The following PDE6B variants were observed in gnomAD, a reference collection of about 807,000 sequenced individuals.
PDE6B encodes rod cGMP-specific 3',5'-cyclic phosphodiesterase subunit beta.
A neutral mutation model predicts 109.0 loss-of-function variants in PDE6B; 106 were observed. That is an observed-to-expected ratio of 0.97 (90% CI 0.83 to 1.14). The LOEUF (loss-of-function observed/expected upper bound fraction) is 1.14, where lower values mean the gene tolerates loss of function less well. Ranked by LOEUF, PDE6B falls within the 50% of genes most tolerant of loss-of-function variation. The pLI is 0.00. For synonymous variants in PDE6B, 490 were observed against 471.3 expected, an observed-to-expected ratio of 1.04 and a Z score of -0.51; for missense variants, 1,193 against 1,155.6, an observed-to-expected ratio of 1.03 and a Z score of -0.47.
intron 3 of PDE6B, among the ~76,000 whole-genome samples, chr4:638,869 C>T (rs1201448016): frequency 6.6e-6 from 1 of 152,194 alleles, no homozygotes; most frequent in Non-Finnish European, 1.5e-5. Flanking sequence ...GGCTCACTCA[C>T]ACAGGAAACT....
rs141647790 is a variant in PDE6B, at chr4:670,090, A to G, written c.2548A>G (p.Thr850Ala). Residue 850 changes from threonine to alanine, a missense_variant, in exon 22 of 22, where the codon ACC becomes GCC. By Grantham distance (58) the Thr-to-Ala change is moderately conservative. Coordinates refer to ENST00000496514, the MANE Select transcript of PDE6B (RefSeq NM_000283.4). ...TGGCGGCCCAGCACCCAAGTCTTCAACCTGCTGTATCCTGTGAGCACTGGT... is the reference window on the plus strand; with the variant it reads ...TGGCGGCCCAGCACCCAAGTCTTCAGCCTGCTGTATCCTGTGAGCACTGGT... ...CNGGPAPKSS[T>A]CCIL 2.4e-4 allele frequency: 387 copies of G among 1,612,858 alleles called. No individual in the cohort carries two copies. Among genetic ancestry groups the G allele is most frequent in the Non-Finnish European group, 2.4e-4 (286 of 1,179,464 alleles).
intron 10 of PDE6B, among the ~76,000 whole-genome samples, 191 bp downstream of exon 10, chr4:657,685 G>A (rs1365971810): frequency 4.8e-5 from 6 of 125,492 alleles, no homozygotes; most frequent in Admixed American, 2.4e-4. Flanking sequence ...GCTGTGCGGT[G>A]GGGGCAGGTC....
In PDE6B at chr4:631,657, G is replaced by A. The variant is rs1445479911; in HGVS notation, c.469-3020G>A. Among the ~76,000 whole-genome samples, 14 of 150,958 alleles carry A rather than the reference G, an allele frequency of 9.3e-5. No individual in the cohort carries two copies. The South Asian group carries it at 2.5e-3, about 27-fold the overall frequency. On this transcript the variant is annotated intron_variant, in intron 1 of 21. Coordinates refer to ENST00000496514, the MANE Select transcript of PDE6B (RefSeq NM_000283.4). ...ACCATCTAAGGGTCATGAGGATCAC[G>A]TTGCGTGGATCCATGTGGCTCCATC...
chr4:627,169 C>G (rs906246537), intron 1 of PDE6B, among the ~76,000 whole-genome samples: 2 of 146,466 alleles, frequency 1.4e-5, no homozygotes, highest in Non-Finnish European at 3.0e-5. Flanking sequence ...TTTTTTGAGA[C>G]AGAGTCTTGC....
rs145439036 is a variant in PDE6B, at chr4:628,201, C to T, written c.468+2107C>T. On this transcript the variant is annotated intron_variant, in intron 1 of 21. Coordinates refer to ENST00000496514, the MANE Select transcript of PDE6B (RefSeq NM_000283.4). ...CAAATCCTCATGAAGTGCAAAGCCTCATGAAGTGCATCTCAGCACCCTAAG... is the reference window on the plus strand; with the variant it reads ...CAAATCCTCATGAAGTGCAAAGCCTTATGAAGTGCATCTCAGCACCCTAAG... Among the ~76,000 whole-genome samples, 690 of 152,350 alleles carry T rather than the reference C, an allele frequency of 4.5e-3. 2 individuals carry two copies. Among genetic ancestry groups the T allele is most frequent in the Admixed American group, 7.4e-3 (113 of 15,310 alleles).
intron 1 of PDE6B, among the ~76,000 whole-genome samples, chr4:631,073 C>A (rs965889071): frequency 6.6e-6 from 1 of 152,174 alleles, no homozygotes; most frequent in Non-Finnish European, 1.5e-5. Flanking sequence ...GGCAGACGAA[C>A]GGGCTGAGAG....
At position 636,907 on chromosome 4, in the gene PDE6B, G is replaced by A. The variant is rs73056581; in HGVS notation, c.711+938G>A. ...ACACCTGTGAGAAAACCCCCCGGAGGGAAGTCTCAGCCCCAATCCAAGCAG... is the reference window on the plus strand; with the variant it reads ...ACACCTGTGAGAAAACCCCCCGGAGAGAAGTCTCAGCCCCAATCCAAGCAG... On this transcript the variant is annotated intron_variant, in intron 3 of 21. Transcript: ENST00000496514. This position sits in a 1 kb window ranked among gnomAD's most constrained non-coding sequence, Gnocchi z 4.5. Among the ~76,000 whole-genome samples the A allele has an allele frequency of 0.019, 2,885 of 152,342 alleles. 122 individuals carry two copies. Among genetic ancestry groups the A allele is most frequent in the African/African-American group, 0.066 (2,729 of 41,588 alleles).
chr4:654,654 AT>A, intron 5 of PDE6B, 169 bp from the exon 6 acceptor site: 3 of 718,692 alleles, frequency 4.2e-6, no homozygotes, highest in Non-Finnish European at 7.7e-6. Context: ...CATTCGTAGA[AT>A]ACCTGCGCAC....
chr4:667,820 G>A, intron 20 of PDE6B, 36 bp from the exon 21 acceptor site: 1 of 1,605,972 alleles, frequency 6.2e-7, no homozygotes, highest in Non-Finnish European at 8.5e-7. Context: ...AGAGCAGGCA[G>A]GACAGGACTG....
rs765804881 is a variant in PDE6B, at chr4:634,818, G to A, written c.610G>A (p.Glu204Lys). The A allele has an allele frequency of 9.9e-6, 16 of 1,613,710 alleles. No homozygotes were observed. The highest frequency in any genetic ancestry group is 1.7e-5 in the Admixed American group (1 of 59,994). The change falls in exon 2 of 22, where the codon GAA (glutamate) becomes AAA (lysine). Residue 204 changes from glutamate to lysine, a missense_variant. Transcript: ENST00000496514. ...NKLNGPFFTSEDEDVFLKYLN... is the reference protein window; with the variant it reads ...NKLNGPFFTSKDEDVFLKYLN... ...GCTCAACGGCCCATTCTTCACCAGC[G>A]AAGACGAAGATGTGAGTGTGGGGGG...
Position 625,797 on chromosome 4 carries a change from G to C in PDE6B, c.171G>C (p.Thr57=), listed in dbSNP as rs763391072. The C allele has an allele frequency of 1.2e-6, 2 of 1,613,334 alleles. No individual in the cohort carries two copies. Among genetic ancestry groups the C allele is most frequent in the Non-Finnish European group, 1.7e-6 (2 of 1,179,948 alleles). Reference sequence around the variant, plus strand: ...ACCTCTGCCAGGTGGAGGAGAGCACGGCGCTGCTGGAGCTGGTGCAGGATA... The same window carrying C: ...ACCTCTGCCAGGTGGAGGAGAGCACCGCGCTGCTGGAGCTGGTGCAGGATA... ...LRDLCQVEES[T]ALLELVQDMQ... The change falls in exon 1 of 22, where the codon ACG becomes ACC. Residue 57 remains threonine (T), a synonymous_variant. Transcript: ENST00000496514. This position sits in a 1 kb window ranked among gnomAD's most constrained non-coding sequence, Gnocchi z 5.0.
At chr4:627,997 C>A (rs1210856604) in intron 1 of PDE6B, among the ~76,000 whole-genome samples, 1 of 152,092 alleles carries the variant, frequency 6.6e-6, no homozygotes, top group African/African-American at 2.4e-5. Flanking sequence ...GTGCCATGGC[C>A]GCACCTGCCC....
chr4:658,382 G>A (rs1467796071), intron 10 of PDE6B, among the ~76,000 whole-genome samples: 1 of 144,896 alleles, frequency 6.9e-6, no homozygotes, highest in Non-Finnish European at 1.5e-5. Context: ...GGTGTGCGGG[G>A]CAGGTCGTCC....
chr4:663,296 T>C lies in PDE6B; in HGVS notation c.1920+109T>C, dbSNP rs925324485. On this transcript the variant is annotated intron_variant, in intron 15 of 21. Coordinates refer to ENST00000496514, the MANE Select transcript of PDE6B (RefSeq NM_000283.4). This position sits in a 1 kb window ranked among gnomAD's most constrained non-coding sequence, Gnocchi z 4.0. ...GGGTTCTGATGCAGCGGGTGAGCAC[T>C]GGGTGTGTGAGCACTGGGGGAGGGC... The C allele has an allele frequency of 2.7e-6, 2 of 749,146 alleles. No individual in the cohort carries two copies. Among genetic ancestry groups the C allele is most frequent in the East Asian group, 2.6e-5 (1 of 38,902 alleles). 46.4% of individuals were successfully genotyped at this position (749,146 alleles called of 1,614,324 possible). A position where few individuals can be genotyped will look rare whatever the true frequency, so the allele number is the denominator to read the frequency against.
At chr4:661,741 C>T (rs1176385775) in intron 12 of PDE6B, 2 of 314,310 alleles carry the variant, frequency 6.4e-6, no homozygotes, top group Non-Finnish European at 1.3e-5. Context: ...GACATCGGTT[C>T]TCCCACCCCA....
chr4:637,509 C>A (rs549821397), intron 3 of PDE6B, among the ~76,000 whole-genome samples: 22 of 152,342 alleles, frequency 1.4e-4, no homozygotes, highest in African/African-American at 5.1e-4. Flanking sequence ...GTTTGAGGCA[C>A]CGCACCGAGC....
chr4:629,769 GCA>G (rs1228095180), intron 1 of PDE6B, among the ~76,000 whole-genome samples: 1 of 152,252 alleles, frequency 6.6e-6, no homozygotes, highest in Non-Finnish European at 1.5e-5. Flanking sequence ...GCCATGCTGA[GCA>G]CAGACGGCAG....
At chr4:664,040 C>G (rs1235507366) in intron 16 of PDE6B, 74 bp from the exon 17 acceptor site, 1 of 1,220,556 alleles carries the variant, frequency 8.2e-7, no homozygotes, top group Non-Finnish European at 1.2e-6. Flanking sequence ...CTCCGCGCCT[C>G]CCTGCAGACG....
chr4:659,532 CGTG>C (rs1254823048), intron 11 of PDE6B, among the ~76,000 whole-genome samples: 2 of 145,796 alleles, frequency 1.4e-5, no homozygotes, highest in Non-Finnish European at 3.0e-5. Flanking sequence ...TGTGTGCACA[CGTG>C]GGCGTCTGCA....
Sources: allele counts gnomAD v4.1 joint callset (sites outside exome capture counted in the v4.1 genomes callset), GRCh38; gene constraint gnomAD v4.1.1; non-coding constraint Gnocchi (gnomAD v3.1); transcripts MANE v1.5; gene names NCBI Gene and HGNC (gene_info 2026-07-23, HGNC 2026-07-21).